Variants in SMIM10L3 observed in about 807,000 individuals in gnomAD.
SMIM10L3 encodes the protein small integral membrane protein 10 like 3.
At chr7:6,342,604 A>C in the SMIM10L3 span, among the ~76,000 whole-genome samples, 1 of 152,294 alleles carries the variant, frequency 6.6e-6, no homozygotes, top group Non-Finnish European at 1.5e-5. Flanking sequence ...TTCTGCTCTA[A>C]GTATACACCC....
chr7:6,330,191 C>T, the SMIM10L3 span: 1 of 628,378 alleles, frequency 1.6e-6, no homozygotes, highest in Non-Finnish European at 2.8e-6. Flanking sequence ...TAACACATGC[C>T]AAAAAAGTTC....
At chr7:6,330,536 C>A in the SMIM10L3 span, 246 of 1,614,040 alleles carry the variant, frequency 1.5e-4, no homozygotes, top group Non-Finnish European at 2.0e-4. Flanking sequence ...CGTTTTGTCT[C>A]CTCACTCAGG....
chr7:6,335,977 A>G, the SMIM10L3 span, among the ~76,000 whole-genome samples: 3 of 152,192 alleles, frequency 2.0e-5, no homozygotes, highest in East Asian at 5.8e-4. Flanking sequence ...GTTCGAGATC[A>G]GCCTGGTCTA....
chr7:6,332,608 G>A, the SMIM10L3 span, among the ~76,000 whole-genome samples: 1 of 152,092 alleles, frequency 6.6e-6, no homozygotes. Context: ...TGATGTGGGA[G>A]GATTGCTTGA....
At chr7:6,331,115 G>A in the SMIM10L3 span, 63 of 1,613,166 alleles carry the variant, frequency 3.9e-5, no homozygotes, top group Non-Finnish European at 5.3e-5. Flanking sequence ...TGCTGCACTT[G>A]TGCCAGGCAG....
At chr7:6,339,137 C>G in the SMIM10L3 span, among the ~76,000 whole-genome samples, 1 of 152,184 alleles carries the variant, frequency 6.6e-6, no homozygotes, top group Non-Finnish European at 1.5e-5. Context: ...ACACTAACAT[C>G]ACTGAGTTCC....
chr7:6,343,400 ATAT>A, the SMIM10L3 span, among the ~76,000 whole-genome samples: 2 of 224 alleles, frequency 8.9e-3, no homozygotes, highest in Non-Finnish European at 0.015. Flanking sequence ...ATAATTTCAT[ATAT>A]ATATATATAT....
chr7:6,333,821 G>A, the SMIM10L3 span, among the ~76,000 whole-genome samples: 9 of 148,104 alleles, frequency 6.1e-5, no homozygotes, highest in Non-Finnish European at 1.3e-4. Flanking sequence ...TGCCTAGAAT[G>A]GTCTCGAACT....
chr7:6,331,244 G>A, the SMIM10L3 span: 21 of 1,325,780 alleles, frequency 1.6e-5, no homozygotes, highest in African/African-American at 2.8e-4. Flanking sequence ...ACCTAGGAAA[G>A]GGAATCAAAT....
chr7:6,347,555 G>A, the SMIM10L3 span, among the ~76,000 whole-genome samples: 1 of 151,816 alleles, frequency 6.6e-6, no homozygotes, highest in East Asian at 1.9e-4. Context: ...TACAGCAAAG[G>A]CGGTCTCCAG....
At chr7:6,335,276 G>A in the SMIM10L3 span, among the ~76,000 whole-genome samples, 1 of 149,846 alleles carries the variant, frequency 6.7e-6, no homozygotes, top group South Asian at 2.1e-4. Flanking sequence ...AGGCTGGAGG[G>A]CAATGGCACA....
chr7:6,338,150 C>T, the SMIM10L3 span, among the ~76,000 whole-genome samples: 1 of 152,160 alleles, frequency 6.6e-6, no homozygotes, highest in Non-Finnish European at 1.5e-5. Flanking sequence ...GCTCACAGCC[C>T]TCAACTAACC....
chr7:6,345,714 T>A, the SMIM10L3 span, among the ~76,000 whole-genome samples: 1 of 152,070 alleles, frequency 6.6e-6, no homozygotes, highest in African/African-American at 2.4e-5. Context: ...CTGTAGACAC[T>A]TTTTGTTTTG....
the SMIM10L3 span, among the ~76,000 whole-genome samples, chr7:6,333,530 A>G: frequency 6.6e-6 from 1 of 152,050 alleles, no homozygotes; most frequent in African/African-American, 2.4e-5. Flanking sequence ...ACGAGGTCTC[A>G]CTCTGCCTCC....
the SMIM10L3 span, among the ~76,000 whole-genome samples, chr7:6,337,739 A>G: frequency 6.6e-6 from 1 of 151,764 alleles, no homozygotes. Context: ...TTCTTCTAGT[A>G]CTTTAGTATT....
chr7:6,332,298 G>T, the SMIM10L3 span, among the ~76,000 whole-genome samples: 1 of 151,918 alleles, frequency 6.6e-6, no homozygotes, highest in Non-Finnish European at 1.5e-5. Flanking sequence ...AAAAGTTCCT[G>T]TCCAAAGAAA....
At chr7:6,347,400 C>T in the SMIM10L3 span, among the ~76,000 whole-genome samples, 1 of 151,930 alleles carries the variant, frequency 6.6e-6, no homozygotes, top group Non-Finnish European at 1.5e-5. Flanking sequence ...CCTGTAGTCC[C>T]AGCTACTCAG....
chr7:6,347,893 T>G, the SMIM10L3 span, among the ~76,000 whole-genome samples: 1 of 142,704 alleles, frequency 7.0e-6, no homozygotes, highest in Non-Finnish European at 1.5e-5. Flanking sequence ...TTTATTATTA[T>G]TATTATTATT....
chr7:6,330,093 TC>T, the SMIM10L3 span: 159 of 381,396 alleles, frequency 4.2e-4, 3 homozygotes, highest in South Asian at 1.4e-3. Flanking sequence ...TCATGGTAAA[TC>T]CGTATGTTCT....
Sources: gnomAD v4.1 joint callset for allele counts (sites outside exome capture counted in the v4.1 genomes callset) on GRCh38, gnomAD v4.1.1 for gene constraint, MANE v1.5 for transcripts, NCBI Gene and HGNC (gene_info 2026-07-23, HGNC 2026-07-21) for gene names.